The following LMBR1 variants were observed in gnomAD, a reference collection of about 807,000 sequenced individuals.
LMBR1 encodes the protein limb region 1 protein homolog.
A neutral mutation model predicts 73.9 loss-of-function variants in LMBR1; 52 were observed. The observed-to-expected ratio is 0.70, with a 90% CI of 0.56 to 0.89. The LOEUF (loss-of-function observed/expected upper bound fraction) is 0.89. LMBR1 is among the 40% of genes least tolerant of loss of function. The pLI is 0.00. For synonymous variants in LMBR1, 215 were observed against 209.4 expected (o/e 1.03, Z -0.23); for missense variants, 539 against 579.8 (o/e 0.93, Z 0.72).
intron 4 of LMBR1, among the ~76,000 whole-genome samples, chr7:156,804,428 G>A (rs1396007195): frequency 6.6e-6 from 1 of 152,206 alleles, no homozygotes; most frequent in Non-Finnish European, 1.5e-5. Flanking sequence ...GTAGATACCT[G>A]TTTAACATTT....
chr7:156,867,383 T>C (rs1798613935), intron 1 of LMBR1, among the ~76,000 whole-genome samples: 1 of 152,214 alleles, frequency 6.6e-6, no homozygotes, highest in Non-Finnish European at 1.5e-5. Flanking sequence ...AATATAAAGT[T>C]ACTTTATGAC....
chr7:156,892,568 G>A (rs2134677114), intron 1 of LMBR1: 1 of 187,842 alleles, frequency 5.3e-6, no homozygotes, highest in Non-Finnish European at 1.1e-5. Flanking sequence ...AGCCCCTGGG[G>A]TCCCAGAGCG....
chr7:156,755,487 G>A (rs1239727706), intron 9 of LMBR1, among the ~76,000 whole-genome samples: 1 of 152,204 alleles, frequency 6.6e-6, no homozygotes, highest in African/African-American at 2.4e-5. Context: ...CTACACTGCA[G>A]GGAGCAGCTT....
At chr7:156,884,568 C>G (rs544601912) in intron 1 of LMBR1, among the ~76,000 whole-genome samples, 19 of 152,314 alleles carry the variant, frequency 1.2e-4, no homozygotes, top group African/African-American at 4.3e-4. Flanking sequence ...AGCTTCCTAA[C>G]AGCACCCCAT....
chr7:156,804,993 T>C (rs1205955432), intron 4 of LMBR1, among the ~76,000 whole-genome samples: 1 of 152,180 alleles, frequency 6.6e-6, no homozygotes, highest in Non-Finnish European at 1.5e-5. Flanking sequence ...CGATGATCCC[T>C]TGAGTTACAG....
Position 156,678,719 on chromosome 7 carries a change from ATGTGGCCATTCCTCC to A in LMBR1, c.*5344_*5358del. ...GGTCAGCTACAGCAGTCCCTACGGG[ATGTGGCCATTCCTCC>A]CTTATTTTAACAGGTTGGAACCCAC... is the stretch of plus-strand genomic sequence containing the variant. On this transcript the variant is annotated 3_prime_UTR_variant, in exon 17 of 17. Coordinates refer to ENST00000353442, the MANE Select transcript of LMBR1 (RefSeq NM_022458.4). 6.6e-6 allele frequency: 1 copy of A among 152,252 alleles called. No homozygotes were observed. The highest frequency in any genetic ancestry group is 1.5e-5 in the Non-Finnish European group (1 of 68,030). 9.4% of individuals were successfully genotyped at this position (152,252 alleles called of 1,614,324 possible). A position where few individuals can be genotyped will look rare whatever the true frequency, so the allele number is the denominator to read the frequency against.
intron 15 of LMBR1, among the ~76,000 whole-genome samples, chr7:156,723,187 G>A (rs1485707642): frequency 6.6e-6 from 1 of 151,960 alleles, no homozygotes; most frequent in Non-Finnish European, 1.5e-5. Flanking sequence ...GAAATCCTTT[G>A]TAAGAATTAT....
chr7:156,885,251 G>A (rs1348083539), intron 1 of LMBR1, among the ~76,000 whole-genome samples: 1 of 152,048 alleles, frequency 6.6e-6, no homozygotes, highest in African/African-American at 2.4e-5. Flanking sequence ...TACTTGGGAG[G>A]CTGAGGCAGG....
chr7:156,854,054 G>A (rs1796611030), intron 1 of LMBR1, among the ~76,000 whole-genome samples: 1 of 150,842 alleles, frequency 6.6e-6, no homozygotes, highest in Non-Finnish European at 1.5e-5. Flanking sequence ...AAAGGTAAAA[G>A]ATAACATAGT....
chr7:156,854,005 T>C (rs992300548), intron 1 of LMBR1, among the ~76,000 whole-genome samples: 5 of 149,330 alleles, frequency 3.3e-5, no homozygotes, highest in African/African-American at 9.8e-5. Flanking sequence ...ATACATCATA[T>C]GCCATACACT....
intron 1 of LMBR1, among the ~76,000 whole-genome samples, chr7:156,876,542 T>C (rs1348891030): frequency 6.6e-6 from 1 of 152,138 alleles, no homozygotes; most frequent in Admixed American, 6.5e-5. Flanking sequence ...AGCATGGAAC[T>C]TTCTCCAAGA....
chr7:156,721,495 A>T (rs1481843262), intron 15 of LMBR1, among the ~76,000 whole-genome samples: 1 of 152,126 alleles, frequency 6.6e-6, no homozygotes, highest in Non-Finnish European at 1.5e-5. Context: ...GTTTGCAAAC[A>T]TCTCCTTTTA....
At chr7:156,862,700 C>T (rs117431407) in intron 1 of LMBR1, among the ~76,000 whole-genome samples, 9 of 152,326 alleles carry the variant, frequency 5.9e-5, no homozygotes, top group Non-Finnish European at 1.5e-5. Context: ...TGATAGAAGA[C>T]TTGCATCCAA....
chr7:156,802,051 C>G (rs1371863637), intron 4 of LMBR1, among the ~76,000 whole-genome samples: 3 of 152,018 alleles, frequency 2.0e-5, no homozygotes, highest in Non-Finnish European at 4.4e-5. Context: ...GGCGCAATCT[C>G]GGCTCACCGC....
chr7:156,782,421 T>C (rs1827311814), intron 5 of LMBR1, among the ~76,000 whole-genome samples: 2 of 152,232 alleles, frequency 1.3e-5, no homozygotes, highest in African/African-American at 4.8e-5. Flanking sequence ...TCTTCCGTTT[T>C]ACCTTTCCAC....
chr7:156,693,810 T>C (rs184980932), intron 15 of LMBR1, among the ~76,000 whole-genome samples: 18 of 152,326 alleles, frequency 1.2e-4, no homozygotes, highest in African/African-American at 3.1e-4. Flanking sequence ...ATCGCCCTGA[T>C]TCCAAAGCCA....
intron 1 of LMBR1, among the ~76,000 whole-genome samples, chr7:156,866,011 A>G (rs1318747266): frequency 1.3e-5 from 2 of 152,020 alleles, no homozygotes; most frequent in African/African-American, 4.8e-5. Context: ...GTAAATCTAC[A>G]TGAACTTACA....
intron 1 of LMBR1, among the ~76,000 whole-genome samples, chr7:156,857,563 T>C (rs1413278840): frequency 6.6e-6 from 1 of 152,212 alleles, no homozygotes; most frequent in Non-Finnish European, 1.5e-5. Context: ...AGAAAATCAG[T>C]AAGGGTACAT....
At chr7:156,778,404 C>T (rs1826537294) in intron 5 of LMBR1, among the ~76,000 whole-genome samples, 1 of 152,148 alleles carries the variant, frequency 6.6e-6, no homozygotes, top group South Asian at 2.1e-4. Flanking sequence ...CACTGGGAGG[C>T]TAGGATAGTT....
Sources: allele counts gnomAD v4.1 joint callset (sites outside exome capture counted in the v4.1 genomes callset), GRCh38; gene constraint gnomAD v4.1.1; transcripts MANE v1.5; gene names NCBI Gene and HGNC (gene_info 2026-07-23, HGNC 2026-07-21).